GAL3ST2: variants seen among roughly 807,000 people sequenced by gnomAD.
GAL3ST2 encodes beta-galactose-3-O-sulfotransferase 2.
A neutral mutation model predicts 12.9 loss-of-function variants in GAL3ST2; 16 were observed. The observed-to-expected ratio is 1.24, with a 90% CI of 0.84 to 1.88. The LOEUF (loss-of-function observed/expected upper bound fraction) is 1.88. Among genes scored for constraint, GAL3ST2 ranks in the 40% most tolerant of loss-of-function variants. The probability of loss-of-function intolerance (pLI) is 0.00; values close to 1 mark genes in which losing one functional copy is unlikely to be tolerated. For missense variants in GAL3ST2, 639 were observed against 571.8 expected (o/e 1.12, Z -1.20); for synonymous variants, 302 against 273.9 (o/e 1.10, Z -1.01).
Position 241,801,378 on chromosome 2 carries a change from A to T in GAL3ST2, c.120-403A>T. 4.3e-6 allele frequency: 1 copy of T among 233,116 alleles called. No homozygotes were observed. The highest frequency in any genetic ancestry group is 2.3e-5 in the African/African-American group (1 of 43,836). The allele number at this position is 233,116 out of a possible 1,614,324, so 14.4% of individuals were successfully genotyped here. On this transcript the variant is annotated intron_variant, in intron 2 of 3. Transcript: ENST00000192314. This position sits in a 1 kb window ranked among gnomAD's most constrained non-coding sequence, Gnocchi z 4.4. Reference sequence around the variant, plus strand: ...TCTCTATGTAACATTCACACCCGGCAGCTGCTGGGTCTAAACCGCAAAGGG... The same window carrying T: ...TCTCTATGTAACATTCACACCCGGCTGCTGCTGGGTCTAAACCGCAAAGGG...
At chr2:241,787,527 A>G (rs1167431998) in intron 1 of GAL3ST2, among the ~76,000 whole-genome samples, 1 of 138,728 alleles carries the variant, frequency 7.2e-6, no homozygotes, top group East Asian at 2.1e-4. Flanking sequence ...ATTTTGCTGT[A>G]CAACTTCTCC....
chr2:241,784,188 C>A (rs1699600254), intron 1 of GAL3ST2, among the ~76,000 whole-genome samples: 5 of 152,094 alleles, frequency 3.3e-5, no homozygotes, highest in African/African-American at 1.2e-4. Flanking sequence ...TGCTCACCAC[C>A]ACGCCCGGTT....
intron 1 of GAL3ST2, among the ~76,000 whole-genome samples, chr2:241,797,516 G>C (rs377400732): frequency 2.6e-5 from 4 of 152,166 alleles, no homozygotes; most frequent in Non-Finnish European, 4.4e-5. Context: ...GAGGAGTGCC[G>C]GGCCAGCGTG....
intron 1 of GAL3ST2, among the ~76,000 whole-genome samples, chr2:241,779,516 AG>A (rs993575331): frequency 4.1e-5 from 6 of 147,502 alleles, no homozygotes; most frequent in Admixed American, 1.3e-4. Flanking sequence ...TACAGGCGTG[AG>A]CCACCGTGCC....
Position 241,800,009 on chromosome 2 carries a change from C to T in GAL3ST2, c.119+855C>T, listed in dbSNP as rs1199781043. Among the ~76,000 whole-genome samples the T allele has an allele frequency of 6.6e-6, 1 of 152,222 alleles. No individual in the cohort carries two copies. Among genetic ancestry groups the T allele is most frequent in the African/African-American group, 2.4e-5 (1 of 41,468 alleles). On this transcript the variant is annotated intron_variant, in intron 2 of 3. Coordinates refer to ENST00000192314, the MANE Select transcript of GAL3ST2 (RefSeq NM_022134.3). This position sits in a 1 kb window ranked among gnomAD's most constrained non-coding sequence, Gnocchi z 5.2. ...GTGTGAAGGGACAAGAAGCACTGCA[C>T]GTGTGGCTGAGGTCACAAAGCCAGC...
intron 1 of GAL3ST2, among the ~76,000 whole-genome samples, chr2:241,780,422 G>A (rs1227994063): frequency 6.6e-6 from 1 of 152,186 alleles, no homozygotes; most frequent in Non-Finnish European, 1.5e-5. Context: ...AGAAGGCTGA[G>A]GCAGGAGAAC....
intron 1 of GAL3ST2, among the ~76,000 whole-genome samples, chr2:241,789,002 C>T (rs1699661048): frequency 6.6e-6 from 1 of 152,190 alleles, no homozygotes; most frequent in Non-Finnish European, 1.5e-5. Context: ...CTTTTGAGCA[C>T]TCTGTAGGGT....
rs1221844937 is a variant in GAL3ST2, at chr2:241,801,629, G to A, written c.120-152G>A. On this transcript the variant is annotated intron_variant, in intron 2 of 3. Coordinates refer to ENST00000192314, the MANE Select transcript of GAL3ST2 (RefSeq NM_022134.3). The surrounding 1 kb of genome is among the most constrained non-coding windows in gnomAD (Gnocchi z 4.4). Reference sequence around the variant, plus strand: ...GAGTGGGGCAAGGATTGGGGCCATGGGTCGGTGCCTACCCAGTTGGCCCCC... The same window carrying A: ...GAGTGGGGCAAGGATTGGGGCCATGAGTCGGTGCCTACCCAGTTGGCCCCC... The A allele has an allele frequency of 6.2e-6, 6 of 968,398 alleles. No individual in the cohort carries two copies. The East Asian group carries it at 1.3e-4, about 21-fold the overall frequency. 60.0% of individuals were successfully genotyped at this position (968,398 alleles called of 1,614,324 possible). A position where few individuals can be genotyped will look rare whatever the true frequency, so the allele number is the denominator to read the frequency against.
intron 1 of GAL3ST2, among the ~76,000 whole-genome samples, chr2:241,779,879 A>C (rs548800080): frequency 1.3e-5 from 2 of 152,002 alleles, no homozygotes; most frequent in African/African-American, 4.8e-5. Flanking sequence ...CCAGTTACTC[A>C]GGAGGCTGAG....
chr2:241,784,154 C>T (rs1264627919), intron 1 of GAL3ST2, among the ~76,000 whole-genome samples: 1 of 151,998 alleles, frequency 6.6e-6, no homozygotes, highest in Non-Finnish European at 1.5e-5. Flanking sequence ...CAGCCTCAGC[C>T]TCCCGAGTAG....
chr2:241,787,601 T>A (rs1425459303), intron 1 of GAL3ST2, among the ~76,000 whole-genome samples: 1 of 151,314 alleles, frequency 6.6e-6, no homozygotes. Flanking sequence ...TTCTACTGCT[T>A]CCATGACGAT....
At chr2:241,780,726 G>A (rs1279329635) in intron 1 of GAL3ST2, among the ~76,000 whole-genome samples, 2 of 152,172 alleles carry the variant, frequency 1.3e-5, no homozygotes, top group East Asian at 3.8e-4. Context: ...TCTCAGATAA[G>A]ACTTTTTTAA....
intron 1 of GAL3ST2, among the ~76,000 whole-genome samples, chr2:241,786,574 A>C (rs539142695): frequency 1.3e-4 from 20 of 152,334 alleles, no homozygotes; most frequent in African/African-American, 4.8e-4. Flanking sequence ...TCATGGAAGC[A>C]GGAGAACTGG....
chr2:241,799,995 C>G (rs1461663813), intron 2 of GAL3ST2, among the ~76,000 whole-genome samples: 2 of 152,236 alleles, frequency 1.3e-5, no homozygotes, highest in Non-Finnish European at 2.9e-5. Flanking sequence ...TGTGAAGGGA[C>G]AAGAAGCACT....
chr2:241,779,757 G>A (rs185230875), intron 1 of GAL3ST2, among the ~76,000 whole-genome samples: 2,713 of 151,530 alleles, frequency 0.018, 88 homozygotes, highest in African/African-American at 0.063. Context: ...AGGCCGAGGC[G>A]GGCGGATCAC....
chr2:241,785,879 T>C (rs796692154), intron 1 of GAL3ST2, among the ~76,000 whole-genome samples: 10 of 150,186 alleles, frequency 6.7e-5, no homozygotes, highest in African/African-American at 2.4e-4. Context: ...CACACACACA[T>C]CCCTTGGATG....
chr2:241,804,234 CG>C lies in GAL3ST2; in HGVS notation c.*72del, dbSNP rs1201606536. Reference sequence around the variant, plus strand: ...CTCTCTCCGCCGTCACCGGGGAGGCCGGGGATCCTTGCAGGGCTTCTGGGGC... The same window carrying C: ...CTCTCTCCGCCGTCACCGGGGAGGCCGGGATCCTTGCAGGGCTTCTGGGGC... On this transcript the variant is annotated 3_prime_UTR_variant, in exon 4 of 4. Coordinates refer to ENST00000192314, the MANE Select transcript of GAL3ST2 (RefSeq NM_022134.3). 1.5e-6 allele frequency: 2 copies of C among 1,305,736 alleles called. No homozygotes were observed. The highest frequency in any genetic ancestry group is 2.0e-6 in the Non-Finnish European group (2 of 1,000,748). The allele number at this position is 1,305,736 out of a possible 1,614,324, so 80.9% of individuals were successfully genotyped here. A position where few individuals can be genotyped will look rare whatever the true frequency, so the allele number is the denominator to read the frequency against.
In GAL3ST2 at chr2:241,801,593, G is replaced by A; in HGVS notation, c.120-188G>A. On this transcript the variant is annotated intron_variant, in intron 2 of 3. Coordinates refer to ENST00000192314, the MANE Select transcript of GAL3ST2 (RefSeq NM_022134.3). The surrounding 1 kb of genome is among the most constrained non-coding windows in gnomAD (Gnocchi z 4.4). ...GGAGTTTGTGTTCGGGCCACCAGCT[G>A]GGAGGTTGTGGAGTGGGGCAAGGAT... is the stretch of plus-strand genomic sequence containing the variant. The A allele has an allele frequency of 1.5e-6, 1 of 686,036 alleles. No individual in the cohort carries two copies. Among genetic ancestry groups the A allele is most frequent in the Non-Finnish European group, 2.4e-6 (1 of 416,402 alleles). The allele number at this position is 686,036 out of a possible 1,614,324, so 42.5% of individuals were successfully genotyped here. A position where few individuals can be genotyped will look rare whatever the true frequency, so the allele number is the denominator to read the frequency against.
intron 2 of GAL3ST2, among the ~76,000 whole-genome samples, chr2:241,799,581 T>G (rs1256681870): frequency 6.6e-6 from 1 of 152,176 alleles, no homozygotes; most frequent in Non-Finnish European, 1.5e-5. Context: ...TGGCACATCC[T>G]CTGTGGAGCC....
Sources: allele counts gnomAD v4.1 joint callset (sites outside exome capture counted in the v4.1 genomes callset), GRCh38; gene constraint gnomAD v4.1.1; non-coding constraint Gnocchi (gnomAD v3.1); transcripts MANE v1.5; gene names NCBI Gene and HGNC (gene_info 2026-07-23, HGNC 2026-07-21).